KCNN2: variants seen among roughly 807,000 people sequenced by gnomAD.
KCNN2 encodes the protein potassium calcium-activated channel subfamily N member 2.
Under a neutral mutation model 55.5 loss-of-function variants are expected in KCNN2, and 24 were observed. The ratio of observed to expected loss-of-function variants is 0.43; its 90% confidence interval spans 0.31 to 0.61. The LOEUF is 0.61. Among genes scored for constraint, KCNN2 ranks in the 20% least tolerant of loss-of-function variants. The pLI, the probability that KCNN2 is intolerant of heterozygous loss-of-function variation, is 0.08. For missense variants in KCNN2, 754 were observed against 853.6 expected (o/e 0.88, Z 1.45); for synonymous variants, 431 against 336.1 (o/e 1.28, Z -3.09).
chr5:114,482,607 C>T (rs886547774), intron 5 of KCNN2, among the ~76,000 whole-genome samples: 1 of 152,052 alleles, frequency 6.6e-6, no homozygotes, highest in Admixed American at 6.5e-5. Flanking sequence ...TTCACTATAG[C>T]AAAGACATGG....
intron 2 of KCNN2, among the ~76,000 whole-genome samples, chr5:114,327,585 G>A (rs1198129638): frequency 6.6e-6 from 1 of 152,130 alleles, no homozygotes; most frequent in Non-Finnish European, 1.5e-5. Flanking sequence ...GACGCAGAAG[G>A]TTAGAATTAG....
At chr5:114,159,315 T>G (rs959611115) in intron 1 of KCNN2, among the ~76,000 whole-genome samples, 5 of 152,146 alleles carry the variant, frequency 3.3e-5, no homozygotes, top group African/African-American at 4.8e-5. Context: ...TTATTGATTT[T>G]CATATATTGA....
At chr5:114,204,777 C>G (rs1001280018) in intron 1 of KCNN2, among the ~76,000 whole-genome samples, 1 of 152,308 alleles carries the variant, frequency 6.6e-6, no homozygotes, top group South Asian at 2.1e-4. Context: ...ATTGGCCTGA[C>G]TGATTTTAGA....
At chr5:114,377,314 G>A (rs773297641) in intron 2 of KCNN2, among the ~76,000 whole-genome samples, 1 of 152,130 alleles carries the variant, frequency 6.6e-6, no homozygotes, top group Non-Finnish European at 1.5e-5. Context: ...CTCTGCCTCT[G>A]ATCCTAAGGG....
chr5:114,104,059 C>G (rs1751429743), intron 1 of KCNN2, among the ~76,000 whole-genome samples: 2 of 151,972 alleles, frequency 1.3e-5, no homozygotes, highest in African/African-American at 4.8e-5. Context: ...TGGTCCTACG[C>G]TTTTTTTGGT....
At chr5:114,310,063 C>A (rs1018745294) in intron 2 of KCNN2, among the ~76,000 whole-genome samples, 1 of 152,186 alleles carries the variant, frequency 6.6e-6, no homozygotes, top group African/African-American at 2.4e-5. Flanking sequence ...CTAGCACATA[C>A]AATTTACTGT....
chr5:114,493,089 G>T (rs1018367795), intron 6 of KCNN2, among the ~76,000 whole-genome samples: 5 of 152,090 alleles, frequency 3.3e-5, no homozygotes, highest in Non-Finnish European at 5.9e-5. Context: ...TGATACTGGG[G>T]CTTTAAGGAA....
At chr5:114,225,790 T>C (rs896488035) in intron 2 of KCNN2, among the ~76,000 whole-genome samples, 11 of 152,228 alleles carry the variant, frequency 7.2e-5, no homozygotes, top group African/African-American at 2.4e-4. Flanking sequence ...TAAATCCTTA[T>C]AGCCAGCTAC....
chr5:114,074,699 G>A (rs1278491665), intron 1 of KCNN2, among the ~76,000 whole-genome samples: 1 of 152,198 alleles, frequency 6.6e-6, no homozygotes, highest in Non-Finnish European at 1.5e-5. Flanking sequence ...AGAGGAAATT[G>A]ACTTAGAATT....
intron 3 of KCNN2, among the ~76,000 whole-genome samples, chr5:114,439,062 TC>T (rs1334494933): frequency 1.3e-5 from 2 of 152,192 alleles, no homozygotes; most frequent in Non-Finnish European, 2.9e-5. Flanking sequence ...CATAAAAAAA[TC>T]TGAAATTTCA....
intron 3 of KCNN2, among the ~76,000 whole-genome samples, chr5:114,429,990 TA>T (rs138589614): frequency 0.029 from 4,375 of 152,078 alleles, 73 homozygotes; most frequent in Non-Finnish European, 0.039. Context: ...TCTATTTGTA[TA>T]TTTTTTCACT....
At chr5:114,423,063 A>G (rs1490725507) in intron 3 of KCNN2, among the ~76,000 whole-genome samples, 1 of 152,186 alleles carries the variant, frequency 6.6e-6, no homozygotes, top group African/African-American at 2.4e-5. Context: ...TCTGTTAAGC[A>G]TTACCTGAAG....
intron 3 of KCNN2, among the ~76,000 whole-genome samples, chr5:114,419,619 C>CCATA (rs1262001098): frequency 6.6e-6 from 1 of 152,166 alleles, no homozygotes; most frequent in East Asian, 1.9e-4. Context: ...GGTGCAAGTA[C>CCATA]CATACTCAGT....
At chr5:114,076,775 C>T (rs956529325) in intron 1 of KCNN2, among the ~76,000 whole-genome samples, 15 of 152,124 alleles carry the variant, frequency 9.9e-5, no homozygotes, top group African/African-American at 3.1e-4. Context: ...CTTACTGCAA[C>T]CTCAGCCTCC....
At chr5:114,081,877 A>T (rs915151628) in intron 1 of KCNN2, among the ~76,000 whole-genome samples, 1 of 152,210 alleles carries the variant, frequency 6.6e-6, no homozygotes, top group African/African-American at 2.4e-5. Flanking sequence ...CTAATAAAGG[A>T]TTGATATCTA....
intron 4 of KCNN2, among the ~76,000 whole-genome samples, chr5:114,466,129 C>G (rs1396608194): frequency 6.6e-6 from 1 of 151,964 alleles, no homozygotes; most frequent in Non-Finnish European, 1.5e-5. Flanking sequence ...TAAAATAAGT[C>G]ATGAGATTGC....
chr5:114,274,312 C>T (rs1755435703), intron 2 of KCNN2, among the ~76,000 whole-genome samples: 1 of 148,250 alleles, frequency 6.7e-6, no homozygotes, highest in Non-Finnish European at 1.5e-5. Flanking sequence ...ATTGTGTTGG[C>T]TATGTGGACT....
At chr5:114,407,697 G>A (rs746513623) in intron 3 of KCNN2, among the ~76,000 whole-genome samples, 2 of 152,102 alleles carry the variant, frequency 1.3e-5, no homozygotes, top group African/African-American at 2.4e-5. Context: ...CCAGTGCATC[G>A]GAAGTCTTTT....
chr5:114,408,410 G>A (rs543010390), intron 3 of KCNN2, among the ~76,000 whole-genome samples: 4 of 152,008 alleles, frequency 2.6e-5, no homozygotes, highest in African/African-American at 4.8e-5. Flanking sequence ...GTCTCTGAAC[G>A]TTTTTTTAGA....
Sources: gnomAD v4.1 joint callset for allele counts (sites outside exome capture counted in the v4.1 genomes callset) on GRCh38, gnomAD v4.1.1 for gene constraint, MANE v1.5 for transcripts, NCBI Gene and HGNC (gene_info 2026-07-23, HGNC 2026-07-21) for gene names.